Variants in RUNDC3B observed in about 807,000 individuals in gnomAD.
RUNDC3B encodes the protein RUN domain containing 3B.
RUNDC3B carries 33 observed loss-of-function variants against 58.4 expected under a neutral mutation model. That is an observed-to-expected ratio of 0.56 (90% CI 0.43 to 0.75). RUNDC3B has a LOEUF of 0.75. RUNDC3B is among the 30% of genes least tolerant of loss of function. The pLI is 0.00. For missense variants in RUNDC3B, 501 were observed against 535.7 expected, an observed-to-expected ratio of 0.94 and a Z score of 0.64; for synonymous variants, 193 against 195.2, an observed-to-expected ratio of 0.99 and a Z score of 0.10.
chr7:87,667,532 A>G (rs964746662), intron 2 of RUNDC3B, among the ~76,000 whole-genome samples: 3 of 151,778 alleles, frequency 2.0e-5, no homozygotes, highest in Non-Finnish European at 4.4e-5. Flanking sequence ...ACTATTTTTA[A>G]TAGTAGTGGT....
intron 4 of RUNDC3B, among the ~76,000 whole-genome samples, chr7:87,725,787 C>G (rs1177728802): frequency 6.6e-6 from 1 of 152,218 alleles, no homozygotes; most frequent in Non-Finnish European, 1.5e-5. Context: ...GCCATTCTAA[C>G]TGGTGTGAGA....
Position 87,829,891 on chromosome 7 carries a change from A to C in RUNDC3B, c.1232A>C (p.Glu411Ala). The C allele has an allele frequency of 6.3e-7, 1 of 1,598,390 alleles. No homozygotes were observed. Among genetic ancestry groups the C allele is most frequent in the South Asian group, 1.1e-5 (1 of 88,740 alleles). Residue 411 changes from glutamate (E) to alanine (A), a missense_variant, in exon 11 of 11, where the codon GAA becomes GCA. Transcript: ENST00000394654. ...DTLNVMSEGK[E>A]DTPSLLGLCG... ...ATTTAATTCTAATTTTCAGGTAAGG[A>C]AGATACTCCCTCATTACTTGGCCTC...
At chr7:87,697,296 T>C (rs895238722) in intron 2 of RUNDC3B, among the ~76,000 whole-genome samples, 6 of 152,206 alleles carry the variant, frequency 3.9e-5, no homozygotes, top group Non-Finnish European at 8.8e-5. Context: ...TATTGTCTTT[T>C]TAGAGAGACT....
At chr7:87,780,143 A>G (rs1341580757) in intron 8 of RUNDC3B, among the ~76,000 whole-genome samples, 1 of 152,216 alleles carries the variant, frequency 6.6e-6, no homozygotes, top group African/African-American at 2.4e-5. Flanking sequence ...TTGGATATAT[A>G]CCTAGTAATG....
chr7:87,745,100 T>C (rs1832571302), intron 6 of RUNDC3B, among the ~76,000 whole-genome samples: 1 of 152,224 alleles, frequency 6.6e-6, no homozygotes, highest in African/African-American at 2.4e-5. Flanking sequence ...TTTAGTTCTG[T>C]TTATGTGGTG....
intron 8 of RUNDC3B, among the ~76,000 whole-genome samples, chr7:87,794,638 A>C (rs1346354416): frequency 6.6e-6 from 1 of 151,968 alleles, no homozygotes; most frequent in Non-Finnish European, 1.5e-5. Flanking sequence ...AAAAAAAAAA[A>C]ACCTAACATT....
chr7:87,824,031 T>A (rs566643765), intron 10 of RUNDC3B, among the ~76,000 whole-genome samples: 1 of 152,300 alleles, frequency 6.6e-6, no homozygotes, highest in South Asian at 2.1e-4. Flanking sequence ...GCCATATAAT[T>A]TCTGTATCCT....
chr7:87,770,096 T>C (rs1451470562), intron 6 of RUNDC3B, among the ~76,000 whole-genome samples: 2 of 152,030 alleles, frequency 1.3e-5, no homozygotes, highest in African/African-American at 4.8e-5. Flanking sequence ...CCTGTTGTTA[T>C]CTTCTCTTTG....
At chr7:87,683,639 A>G (rs531211310) in intron 2 of RUNDC3B, among the ~76,000 whole-genome samples, 16 of 152,200 alleles carry the variant, frequency 1.1e-4, no homozygotes, top group Non-Finnish European at 2.1e-4. Flanking sequence ...GGTGTGGTTC[A>G]TGGCGCCCCA....
At chr7:87,718,338 G>A (rs1830681078) in intron 4 of RUNDC3B, among the ~76,000 whole-genome samples, 1 of 152,148 alleles carries the variant, frequency 6.6e-6, no homozygotes, top group Admixed American at 6.6e-5. Flanking sequence ...TTAGGGGATA[G>A]TCAGGAGGCA....
At chr7:87,631,999 T>C (rs888463578) in intron 1 of RUNDC3B, among the ~76,000 whole-genome samples, 18 of 152,196 alleles carry the variant, frequency 1.2e-4, no homozygotes, top group Admixed American at 9.2e-4. Context: ...ATGTTTATAA[T>C]AGCTAAATTA....
Position 87,628,580 on chromosome 7 carries a change from CGTGCGTGTGT to C in RUNDC3B, c.-240_-231del, listed in dbSNP as rs768193935. 56 of 292,804 alleles carry C rather than the reference CGTGCGTGTGT, an allele frequency of 1.9e-4. No individual in the cohort carries two copies. Among genetic ancestry groups the C allele is most frequent in the Middle Eastern group, 1.7e-3 (2 of 1,194 alleles). The allele number at this position is 292,804 out of a possible 1,614,324, so 18.1% of individuals were successfully genotyped here. A position where few individuals can be genotyped will look rare whatever the true frequency, so the allele number is the denominator to read the frequency against. On this transcript the variant is annotated 5_prime_UTR_variant, in exon 1 of 11. Transcript: ENST00000394654. ...GCGCCGAGGGCGGAGGTGGTGCGTG[CGTGCGTGTGT>C]GTGTGTGTGTGTGTGTGTGTGTGTG...
At chr7:87,829,460 C>T (rs1439596137) in intron 10 of RUNDC3B, among the ~76,000 whole-genome samples, 2 of 152,084 alleles carry the variant, frequency 1.3e-5, no homozygotes, top group Non-Finnish European at 2.9e-5. Context: ...AGTCTTTTTC[C>T]CATTGCTTAC....
At chr7:87,662,955 A>G (rs1165798456) in intron 2 of RUNDC3B, among the ~76,000 whole-genome samples, 1 of 152,002 alleles carries the variant, frequency 6.6e-6, no homozygotes, top group African/African-American at 2.4e-5. Context: ...CATTGTAGAG[A>G]TCTTTCCCTT....
chr7:87,716,487 C>A (rs560520423), intron 4 of RUNDC3B, among the ~76,000 whole-genome samples: 1 of 152,266 alleles, frequency 6.6e-6, no homozygotes, highest in South Asian at 2.1e-4. Context: ...TGCACCATAT[C>A]ATTTTTAGAC....
chr7:87,736,877 ATATATATATATATTTTTTTTTTTTTTT>A (rs1261129508), intron 4 of RUNDC3B, among the ~76,000 whole-genome samples: 3 of 34,050 alleles, frequency 8.8e-5, no homozygotes, highest in African/African-American at 4.2e-4. Flanking sequence ...ATATATATAT[ATATATATATATATTTTTTTTTTTTTTT>A]TTTTTTTTTT....
intron 1 of RUNDC3B, among the ~76,000 whole-genome samples, chr7:87,634,848 GTAT>G (rs1280572177): frequency 1.3e-5 from 2 of 152,130 alleles, no homozygotes; most frequent in African/African-American, 4.8e-5. Flanking sequence ...AGCAGGTTCA[GTAT>G]TATTAAATAT....
intron 4 of RUNDC3B, among the ~76,000 whole-genome samples, chr7:87,731,029 G>A (rs1197030381): frequency 6.6e-6 from 1 of 152,214 alleles, no homozygotes; most frequent in East Asian, 1.9e-4. Flanking sequence ...GCTTCCTGAT[G>A]CCTACGTGGC....
chr7:87,820,667 G>A (rs1379809448), intron 10 of RUNDC3B, among the ~76,000 whole-genome samples: 2 of 152,098 alleles, frequency 1.3e-5, no homozygotes, highest in African/African-American at 4.8e-5. Context: ...GAATCCAGCA[G>A]CACATCAAAA....
Sources: gnomAD v4.1 joint callset for allele counts (sites outside exome capture counted in the v4.1 genomes callset) on GRCh38, gnomAD v4.1.1 for gene constraint, MANE v1.5 for transcripts, NCBI Gene and HGNC (gene_info 2026-07-23, HGNC 2026-07-21) for gene names.